The following SIPA1L1 variants were observed in gnomAD, a reference collection of about 807,000 sequenced individuals.
SIPA1L1 encodes the protein signal induced proliferation associated 1 like 1.
A neutral mutation model predicts 162.7 loss-of-function variants in SIPA1L1; 26 were observed. That is an observed-to-expected ratio of 0.16 (90% CI 0.12 to 0.22). The LOEUF is 0.22. SIPA1L1 is among the 10% of genes least tolerant of loss of function. The pLI, the probability that SIPA1L1 is intolerant of heterozygous loss-of-function variation, is 1.00. For missense variants in SIPA1L1, 1,874 were observed against 2,241.0 expected (o/e 0.84, Z 3.31); for synonymous variants, 829 against 837.4 (o/e 0.99, Z 0.17).
chr14:71,462,232 G>A (rs1277244418), intron 2 of SIPA1L1, among the ~76,000 whole-genome samples: 1 of 152,202 alleles, frequency 6.6e-6, no homozygotes, highest in Non-Finnish European at 1.5e-5. Context: ...CCTGCAGAAG[G>A]CGGCAGAGCC....
At chr14:71,611,576 G>A (rs2038222545) in intron 5 of SIPA1L1, among the ~76,000 whole-genome samples, 2 of 146,494 alleles carry the variant, frequency 1.4e-5, no homozygotes, top group South Asian at 2.1e-4. Flanking sequence ...CCCCTGACAG[G>A]CCCCAGTGCG....
At chr14:71,545,452 C>T (rs2055102687) in intron 4 of SIPA1L1, among the ~76,000 whole-genome samples, 1 of 152,058 alleles carries the variant, frequency 6.6e-6, no homozygotes, top group Non-Finnish European at 1.5e-5. Context: ...TTTCTGTGAT[C>T]CTCTAAGTAG....
At chr14:71,396,815 A>G (rs1219742989) in intron 2 of SIPA1L1, among the ~76,000 whole-genome samples, 1 of 152,246 alleles carries the variant, frequency 6.6e-6, no homozygotes, top group East Asian at 1.9e-4. Flanking sequence ...AGTTAATGCT[A>G]AAACTCATTA....
At chr14:71,505,987 C>A (rs1272446766) in intron 2 of SIPA1L1, among the ~76,000 whole-genome samples, 1 of 141,760 alleles carries the variant, frequency 7.1e-6, no homozygotes, top group African/African-American at 2.6e-5. Flanking sequence ...AAAATCCCCA[C>A]GAAAACGTAA....
chr14:71,350,386 C>T (rs747640185), intron 2 of SIPA1L1, among the ~76,000 whole-genome samples: 4 of 151,892 alleles, frequency 2.6e-5, no homozygotes, highest in Non-Finnish European at 5.9e-5. Flanking sequence ...CCAGCCTGGG[C>T]GACAGAGCAA....
chr14:71,399,162 C>T (rs919363716), intron 2 of SIPA1L1, among the ~76,000 whole-genome samples: 8 of 152,152 alleles, frequency 5.3e-5, no homozygotes, highest in Non-Finnish European at 7.3e-5. Context: ...GATGCATATT[C>T]AAGTCCTGTT....
intron 2 of SIPA1L1, among the ~76,000 whole-genome samples, chr14:71,498,089 G>A (rs2049929013): frequency 6.6e-6 from 1 of 152,162 alleles, no homozygotes; most frequent in Non-Finnish European, 1.5e-5. Flanking sequence ...AATGGCTAAT[G>A]GTGGTTTCAG....
At chr14:71,706,375 A>G (rs1320753259) in intron 16 of SIPA1L1, among the ~76,000 whole-genome samples, 3 of 152,216 alleles carry the variant, frequency 2.0e-5, no homozygotes, top group African/African-American at 7.2e-5. Context: ...TTTTGGGCAC[A>G]TTGGGCTAGA....
chr14:71,662,321 G>A (rs1043704228), intron 10 of SIPA1L1, among the ~76,000 whole-genome samples: 3 of 152,216 alleles, frequency 2.0e-5, no homozygotes, highest in African/African-American at 7.2e-5. Flanking sequence ...AAAAAAACAA[G>A]TAGAGGTTAT....
intron 4 of SIPA1L1, among the ~76,000 whole-genome samples, chr14:71,558,015 G>A (rs1350434573): frequency 6.6e-6 from 1 of 152,120 alleles, no homozygotes; most frequent in African/African-American, 2.4e-5. Flanking sequence ...CTCACTTTTA[G>A]AAGTAATATT....
intron 2 of SIPA1L1, among the ~76,000 whole-genome samples, chr14:71,464,343 C>G (rs925721505): frequency 6.6e-6 from 1 of 152,134 alleles, no homozygotes; most frequent in African/African-American, 2.4e-5. Flanking sequence ...CGAGCTGCAA[C>G]ATTAAAAGCA....
Position 71,685,516 on chromosome 14 carries a change from A to G in SIPA1L1, c.3259A>G (p.Ser1087Gly), listed in dbSNP as rs2046211809. The G allele has an allele frequency of 6.2e-6, 10 of 1,614,104 alleles. No homozygotes were observed. The highest frequency in any genetic ancestry group is 1.1e-5 in the South Asian group (1 of 91,088). Residue 1087 changes from serine to glycine, a missense_variant, in exon 13 of 24, where the codon AGT (serine) becomes GGT (glycine). Around this residue, in one of 5 missense-constraint regions of SIPA1L1, gnomAD observed 936 missense variants for 1,051.9 expected, o/e 0.89. Transcript: ENST00000381232. ...ACCTCAAGTCCCGTCCCAGGTGCAG[A>G]GTCCCATGACCTCGCGGCTGAATGC... ...HSPQVPSQVQ[S>G]PMTSRLNAGK...
At chr14:71,480,185 C>T (rs563419248) in intron 2 of SIPA1L1, among the ~76,000 whole-genome samples, 5 of 151,332 alleles carry the variant, frequency 3.3e-5, no homozygotes, top group African/African-American at 4.8e-5. Context: ...CAGGTTCAAG[C>T]GATTCTCCTG....
intron 17 of SIPA1L1, among the ~76,000 whole-genome samples, chr14:71,721,392 T>C (rs781782698): frequency 3.9e-5 from 6 of 152,190 alleles, no homozygotes; most frequent in Non-Finnish European, 7.3e-5. Flanking sequence ...GACCTGAAGA[T>C]AGCACGGTAC....
chr14:71,690,293 A>G (rs924106196), intron 13 of SIPA1L1, among the ~76,000 whole-genome samples: 1 of 151,888 alleles, frequency 6.6e-6, no homozygotes, highest in Non-Finnish European at 1.5e-5. Flanking sequence ...ACTCTGTCGC[A>G]GTGGCATTGA....
At chr14:71,520,758 ATTAT>A (rs1451261938) in intron 3 of SIPA1L1, among the ~76,000 whole-genome samples, 1 of 151,352 alleles carries the variant, frequency 6.6e-6, no homozygotes, top group Non-Finnish European at 1.5e-5. Flanking sequence ...TTTCCTTATT[ATTAT>A]TTATTTTTGA....
intron 2 of SIPA1L1, among the ~76,000 whole-genome samples, chr14:71,342,176 A>G (rs563352743): frequency 6.6e-6 from 1 of 151,598 alleles, no homozygotes; most frequent in East Asian, 1.9e-4. Context: ...GCTAATTTTT[A>G]TATTTTTTGT....
chr14:71,550,350 G>A (rs1456904991), intron 4 of SIPA1L1, among the ~76,000 whole-genome samples: 1 of 152,184 alleles, frequency 6.6e-6, no homozygotes, highest in Non-Finnish European at 1.5e-5. Flanking sequence ...CTTAGGAGAG[G>A]ACCTCAGAAA....
chr14:71,729,880 C>T (rs1049410428), intron 19 of SIPA1L1, among the ~76,000 whole-genome samples, 175 bp from the exon 20 acceptor site: 6 of 152,182 alleles, frequency 3.9e-5, no homozygotes, highest in Non-Finnish European at 8.8e-5. Context: ...GGAATAATGA[C>T]CAGGAATTCT....
Sources: gnomAD v4.1 joint callset for allele counts (sites outside exome capture counted in the v4.1 genomes callset) on GRCh38, gnomAD v4.1.1 for gene constraint, gnomAD v4.1.1 regional missense constraint, MANE v1.5 for transcripts, NCBI Gene and HGNC (gene_info 2026-07-23, HGNC 2026-07-21) for gene names.